Variants in TNIK observed in about 807,000 individuals in gnomAD.
The protein encoded by TNIK is TRAF2 and NCK interacting kinase.
Under a neutral mutation model 191.3 loss-of-function variants are expected in TNIK, and 49 were observed. That is an observed-to-expected ratio of 0.26 (90% CI 0.20 to 0.32). The LOEUF (loss-of-function observed/expected upper bound fraction) is 0.32, where lower values mean the gene tolerates loss of function less well. TNIK is among the 10% of genes least tolerant of loss of function. The pLI is 1.00. For synonymous variants in TNIK, 594 were observed against 600.9 expected (o/e 0.99, Z 0.17); for missense variants, 1,155 against 1,702.3 (o/e 0.68, Z 5.66).
intron 2 of TNIK, among the ~76,000 whole-genome samples, chr3:171,243,352 G>T (rs926808685): frequency 6.6e-6 from 1 of 151,900 alleles, no homozygotes; most frequent in African/African-American, 2.4e-5. Context: ...TTGATATGTG[G>T]TCAAGTTTTT....
rs1351133982 is a variant in TNIK at position 171,444,082 on chromosome 3, AT to A, written c.57+15924del. 2.0e-5 allele frequency among the ~76,000 whole-genome samples: 3 copies of A among 152,156 alleles called. No homozygotes were observed. In the East Asian group the frequency reaches 5.8e-4, roughly 29 times the overall value. ...CATTTTCCCCAGCAATGAGTATAAA[AT>A]TTTCATGCACGCTCACTATCAGTTG... On this transcript the variant is annotated intron_variant, in intron 1 of 32. Coordinates refer to ENST00000436636, the MANE Select transcript of TNIK (RefSeq NM_015028.4).
intron 2 of TNIK, among the ~76,000 whole-genome samples, chr3:171,284,529 T>C (rs953504972): frequency 3.3e-5 from 5 of 152,170 alleles, no homozygotes; most frequent in Non-Finnish European, 5.9e-5. Context: ...AGGCATTCCA[T>C]TGAGAATGCA....
chr3:171,400,336 G>T (rs112765361), intron 1 of TNIK, among the ~76,000 whole-genome samples: 2,240 of 152,186 alleles, frequency 0.015, 28 homozygotes, highest in Non-Finnish European at 0.022. Flanking sequence ...AGGCCAAGGC[G>T]AGAGGATTGC....
intron 2 of TNIK, among the ~76,000 whole-genome samples, chr3:171,296,089 T>A (rs547440266): frequency 6.6e-6 from 1 of 152,340 alleles, no homozygotes; most frequent in South Asian, 2.1e-4. Flanking sequence ...CTTTAGTTAC[T>A]CCCAAAATGC....
rs753404513 is a variant in TNIK, at chr3:171,082,425, C to G, written c.3170-31G>C. 8 of 1,600,292 alleles carry G rather than the reference C, an allele frequency of 5.0e-6. No homozygotes were observed. In the East Asian group the frequency reaches 1.8e-4, roughly 36 times the overall value. ...AATTTAAGAAGCACCCTAAGACTGA[C>G]TTTTCATGAACTTTAATCTTCTGCA... On this transcript the variant is annotated intron_variant, in intron 26 of 32. Transcript: ENST00000436636.
intron 1 of TNIK, among the ~76,000 whole-genome samples, chr3:171,416,867 A>C (rs62281636): frequency 0.2 from 30,088 of 152,138 alleles, 4,104 homozygotes; most frequent in African/African-American, 0.4. Context: ...AGTTCTTATT[A>C]AATGCTGCTT....
intron 18 of TNIK, among the ~76,000 whole-genome samples, chr3:171,112,914 T>G (rs942035735): frequency 6.6e-6 from 1 of 152,188 alleles, no homozygotes; most frequent in African/African-American, 2.4e-5. Context: ...TGTACACAAA[T>G]AGCCAATCAC....
intron 2 of TNIK, among the ~76,000 whole-genome samples, chr3:171,261,906 C>G (rs912685071): frequency 6.6e-6 from 1 of 152,164 alleles, no homozygotes; most frequent in African/African-American, 2.4e-5. Context: ...GTAGAAAAAT[C>G]CTCTGTGAAG....
chr3:171,325,133 GAGA>G (rs1755608623), intron 2 of TNIK, among the ~76,000 whole-genome samples: 1 of 151,846 alleles, frequency 6.6e-6, no homozygotes, highest in South Asian at 2.1e-4. Context: ...TAAAACAAAA[GAGA>G]AGAACTCAGA....
At chr3:171,199,341 A>T (rs765766588) in intron 4 of TNIK, among the ~76,000 whole-genome samples, 17 of 152,216 alleles carry the variant, frequency 1.1e-4, no homozygotes, top group Non-Finnish European at 2.1e-4. Context: ...AATAAACAGA[A>T]ACAGAGCTCA....
At chr3:171,297,179 G>A (rs1007945009) in intron 2 of TNIK, among the ~76,000 whole-genome samples, 2 of 152,166 alleles carry the variant, frequency 1.3e-5, no homozygotes, top group Admixed American at 6.5e-5. Flanking sequence ...AAGACCGGGG[G>A]CGGAAGGAAG....
intron 3 of TNIK, among the ~76,000 whole-genome samples, chr3:171,218,899 CAT>C (rs1182675641): frequency 7.8e-6 from 1 of 128,294 alleles, no homozygotes; most frequent in East Asian, 2.1e-4. Flanking sequence ...TATATATTTA[CAT>C]ATTTATATTA....
At chr3:171,275,179 T>C (rs1449577112) in intron 2 of TNIK, among the ~76,000 whole-genome samples, 3 of 152,064 alleles carry the variant, frequency 2.0e-5, no homozygotes, top group African/African-American at 4.8e-5. Flanking sequence ...AATTGGAAGA[T>C]TCAGAGAAAA....
At position 171,089,594 on chromosome 3, in the gene TNIK, C is replaced by T. The variant is rs1721810376; in HGVS notation, c.2722-2088G>A. Among the ~76,000 whole-genome samples the T allele has an allele frequency of 2.0e-5, 3 of 152,264 alleles. 1 individual carries two copies. The South Asian group carries it at 6.2e-4, about 32-fold the overall frequency. ...AGATAGTGAGAAGCTTAAAGGAATC[C>T]AGTAGTATGCTCTGAATCTGCCCAC... On this transcript the variant is annotated intron_variant, in intron 23 of 32. Coordinates refer to ENST00000436636, the MANE Select transcript of TNIK (RefSeq NM_015028.4).
Position 171,123,647 on chromosome 3 carries a change from C to T in TNIK, c.2069G>A (p.Gly690Glu), listed in dbSNP as rs868626449. The T allele has an allele frequency of 1.9e-6, 3 of 1,578,650 alleles. No individual in the cohort carries two copies. The highest frequency in any genetic ancestry group is 3.6e-5 in the Admixed American group (2 of 55,344). ...TCTGGGTCCCAGAGCACTACCATTC[C>T]CAGGAGAATTCTTTCTGGCTAATGC... is the stretch of plus-strand genomic sequence containing the variant. ...SPALARKNSP[G>E]NGSALGPRLG... The change falls in exon 18 of 33, where the codon GGG becomes GAG. Residue 690 changes from glycine to glutamate, a missense_variant. Physicochemically the swap from Gly to Glu is moderately conservative, Grantham distance 98 (BLOSUM62 -2). Coordinates refer to ENST00000436636, the MANE Select transcript of TNIK (RefSeq NM_015028.4).
chr3:171,190,329 G>A (rs1262921391), intron 6 of TNIK, among the ~76,000 whole-genome samples: 3 of 152,174 alleles, frequency 2.0e-5, no homozygotes, highest in Non-Finnish European at 4.4e-5. Flanking sequence ...GAATATGCCT[G>A]TGTATATTTT....
At position 171,087,393 on chromosome 3, in the gene TNIK, C is replaced by T. The variant is rs1438890502; in HGVS notation, c.2835G>A (p.Glu945=). Reference sequence around the variant, plus strand: ...AATGGGTTGAGACGCGCCCCAGTCCCTCAGTCGGGGTTCCAGCTGGAGAAT... The same window carrying T: ...AATGGGTTGAGACGCGCCCCAGTCCTTCAGTCGGGGTTCCAGCTGGAGAAT... The part of the protein sequence containing the change: ...QSHSPAGTPT[E]GLGRVSTHSQ... Residue 945 remains glutamate, a synonymous_variant, in exon 24 of 33, where the codon GAG becomes GAA. Coordinates refer to ENST00000436636, the MANE Select transcript of TNIK (RefSeq NM_015028.4). 3.1e-6 allele frequency: 5 copies of T among 1,613,888 alleles called. No homozygotes were observed. Among genetic ancestry groups the T allele is most frequent in the African/African-American group, 2.7e-5 (2 of 74,948 alleles).
At chr3:171,224,822 G>T (rs1742778036) in intron 3 of TNIK, among the ~76,000 whole-genome samples, 1 of 152,094 alleles carries the variant, frequency 6.6e-6, no homozygotes, top group African/African-American at 2.4e-5. Context: ...TTTCCATAAT[G>T]ATTTCAAACT....
At chr3:171,162,995 T>C (rs1734199105) in intron 10 of TNIK, among the ~76,000 whole-genome samples, 1 of 152,250 alleles carries the variant, frequency 6.6e-6, no homozygotes, top group African/African-American at 2.4e-5. Flanking sequence ...AACTGGGCTT[T>C]GGAAGGTCAG....
Sources: allele counts gnomAD v4.1 joint callset (sites outside exome capture counted in the v4.1 genomes callset), GRCh38; gene constraint gnomAD v4.1.1; transcripts MANE v1.5; gene names NCBI Gene and HGNC (gene_info 2026-07-23, HGNC 2026-07-21).